MAP1B: variants seen among roughly 807,000 people sequenced by gnomAD.
The protein encoded by MAP1B is microtubule associated protein 1B, also known as microtubule-associated protein 1B.
In MAP1B, 12 loss-of-function variants were observed where a neutral mutation model predicts 176.1. The ratio of observed to expected loss-of-function variants is 0.07; its 90% CI spans 0.04 to 0.11. The LOEUF (loss-of-function observed/expected upper bound fraction) is 0.11. Among genes scored for constraint, MAP1B ranks in the 10% least tolerant of loss-of-function variants. MAP1B has a pLI of 1.00. For missense variants in MAP1B, 2,523 were observed against 2,990.5 expected (o/e 0.84, Z 3.65); for synonymous variants, 1,044 against 1,135.0 (o/e 0.92, Z 1.61).
At chr5:72,139,508 C>T (rs529238654) in intron 2 of MAP1B, among the ~76,000 whole-genome samples, 7 of 152,286 alleles carry the variant, frequency 4.6e-5, no homozygotes, top group Admixed American at 3.9e-4. Context: ...TGTAAGTCTC[C>T]GGGGTGTCTG....
chr5:72,125,045 C>A (rs1745601295), intron 2 of MAP1B, among the ~76,000 whole-genome samples: 1 of 152,210 alleles, frequency 6.6e-6, no homozygotes, highest in Non-Finnish European at 1.5e-5. Flanking sequence ...TCTCTTGTGC[C>A]TTTTAAAAAC....
intron 2 of MAP1B, among the ~76,000 whole-genome samples, chr5:72,119,959 A>G (rs1471179273): frequency 6.6e-6 from 1 of 152,210 alleles, no homozygotes; most frequent in Non-Finnish European, 1.5e-5. Context: ...AGCTAGGCTT[A>G]CCATGCTGTA....
In MAP1B at chr5:72,128,961, A is replaced by G. The variant is rs560101832; in HGVS notation, c.286+13162A>G. Among the ~76,000 whole-genome samples the G allele has an allele frequency of 2.0e-5, 3 of 152,256 alleles. No individual in the cohort carries two copies. In the East Asian group the frequency reaches 5.8e-4, roughly 29 times the overall value. Reference sequence around the variant, plus strand: ...GCCACTGCATTTGGCTGAAAACGTAATTTTTTAAATAGACAATTGCCTTCT... The same window carrying G: ...GCCACTGCATTTGGCTGAAAACGTAGTTTTTTAAATAGACAATTGCCTTCT... On this transcript the variant is annotated intron_variant, in intron 2 of 6. Coordinates refer to ENST00000296755, the MANE Select transcript of MAP1B (RefSeq NM_005909.5).
At chr5:72,149,091 G>T (rs1746095658) in intron 2 of MAP1B, among the ~76,000 whole-genome samples, 1 of 152,104 alleles carries the variant, frequency 6.6e-6, no homozygotes, top group Non-Finnish European at 1.5e-5. Flanking sequence ...CCAGCACCTA[G>T]CACAATGCTG....
chr5:72,193,038 G>T (rs1368532751), intron 4 of MAP1B, among the ~76,000 whole-genome samples: 1 of 152,214 alleles, frequency 6.6e-6, no homozygotes, highest in African/African-American at 2.4e-5. Flanking sequence ...GAACAGAGTG[G>T]CTCACTGTGG....
At chr5:72,171,529 G>A (rs1241138646) in intron 2 of MAP1B, among the ~76,000 whole-genome samples, 1 of 152,156 alleles carries the variant, frequency 6.6e-6, no homozygotes. Context: ...GGTCGAGGCT[G>A]CAGGGGGCCA....
At chr5:72,152,984 T>C (rs1470816261) in intron 2 of MAP1B, among the ~76,000 whole-genome samples, 1 of 152,058 alleles carries the variant, frequency 6.6e-6, no homozygotes, top group East Asian at 1.9e-4. Context: ...CTGACTGAAG[T>C]CTGAGAAGAA....
chr5:72,132,424 T>C (rs1745750300), intron 2 of MAP1B, among the ~76,000 whole-genome samples: 1 of 152,204 alleles, frequency 6.6e-6, no homozygotes, highest in South Asian at 2.1e-4. Context: ...ATATGTATAA[T>C]TCTTAAAATG....
intron 2 of MAP1B, chr5:72,116,138 T>G: frequency 3.1e-6 from 1 of 318,894 alleles, no homozygotes; most frequent in Non-Finnish European, 6.1e-6. Flanking sequence ...GATAGTATAG[T>G]GTGTGTATGT....
At chr5:72,116,264 C>A (rs771061067) in intron 2 of MAP1B, among the ~76,000 whole-genome samples, 116 of 152,010 alleles carry the variant, frequency 7.6e-4, no homozygotes, top group African/African-American at 2.7e-3. Flanking sequence ...TGTCTTCCTG[C>A]AAAAGAAAAA....
In MAP1B at chr5:72,194,885, T is replaced by C; in HGVS notation, c.1530T>C (p.Phe510=). 1.2e-6 allele frequency: 2 copies of C among 1,614,086 alleles called. No homozygotes were observed. The highest frequency in any genetic ancestry group is 8.5e-7 in the Non-Finnish European group (1 of 1,180,002). Residue 510 remains phenylalanine (F), a synonymous_variant, in exon 5 of 7, where the codon TTT becomes TTC. Transcript: ENST00000296755. This position sits in a 1 kb window ranked among gnomAD's most constrained non-coding sequence, Gnocchi z 7.2. The stretch of plus-strand genomic sequence containing the variant: ...TGGAAAAGCTCAAACATCTAGACTT[T>C]CTGAAGCAGCCACTGGCCACCCAAA... ...EGLEKLKHLD[F]LKQPLATQKD... is the part of the protein sequence containing the mutation.
At position 72,193,937 on chromosome 5, in the gene MAP1B, G is replaced by A. The variant is rs2112231090; in HGVS notation, c.582G>A (p.Gly194=). 1 of 1,613,968 alleles carries A rather than the reference G, an allele frequency of 6.2e-7. No individual in the cohort carries two copies. Among genetic ancestry groups the A allele is most frequent in the Non-Finnish European group, 8.5e-7 (1 of 1,179,944 alleles). The change falls in exon 5 of 7, where the codon GGG becomes GGA. Residue 194 remains glycine (G), a synonymous_variant. Coordinates refer to ENST00000296755, the MANE Select transcript of MAP1B (RefSeq NM_005909.5). ...ASLTLFCPEE[G]DWKNSNLDRH... ...TAACCCTGTTCTGTCCTGAAGAAGG[G>A]GACTGGAAGAACTCCAATCTTGACA...
intron 2 of MAP1B, among the ~76,000 whole-genome samples, chr5:72,152,213 G>GT (rs1057386150): frequency 5.4e-4 from 82 of 151,468 alleles, no homozygotes; most frequent in Non-Finnish European, 9.6e-4. Flanking sequence ...CTATGGATAT[G>GT]TTTTTTTTTA....
chr5:72,136,953 A>C (rs1745848001), intron 2 of MAP1B, among the ~76,000 whole-genome samples: 1 of 152,286 alleles, frequency 6.6e-6, no homozygotes, highest in East Asian at 1.9e-4. Context: ...TTTGAGTTGC[A>C]GGGAGATTCT....
chr5:72,150,487 A>C (rs1054446861), intron 2 of MAP1B, among the ~76,000 whole-genome samples: 11 of 152,198 alleles, frequency 7.2e-5, no homozygotes, highest in Non-Finnish European at 7.3e-5. Context: ...TTCCTTAAGC[A>C]CCCATAACTT....
intron 2 of MAP1B, chr5:72,179,751 C>T (rs780730559): frequency 3.9e-5 from 38 of 985,328 alleles, no homozygotes; most frequent in Admixed American, 6.1e-5. Context: ...CATTCAAATC[C>T]GATCCTATAA....
At chr5:72,125,906 T>A (rs1308712384) in intron 2 of MAP1B, among the ~76,000 whole-genome samples, 2 of 148,096 alleles carry the variant, frequency 1.4e-5, no homozygotes, top group East Asian at 3.8e-4. Context: ...TGAAATCATG[T>A]GAGAACAAAA....
chr5:72,196,088 G>T lies in MAP1B; in HGVS notation c.2733G>T (p.Glu911Asp). The change falls in exon 5 of 7, where the codon GAG becomes GAT. Residue 911 changes from glutamate to aspartate, a missense_variant. This residue lies in a region of MAP1B where 1,925 missense variants were observed against 2,126.0 expected (regional missense o/e 0.91). Coordinates refer to ENST00000296755, the MANE Select transcript of MAP1B (RefSeq NM_005909.5). The surrounding 1 kb of genome is among the most constrained non-coding windows in gnomAD (Gnocchi z 5.3). The part of the protein sequence containing the change: ...GEGECEQTPE[E>D]LEPVEKQGVD... ...GCGAATGTGAACAGACACCTGAGGA[G>T]CTGGAGCCCGTCGAGAAGCAGGGAG... The T allele has an allele frequency of 1.2e-6, 2 of 1,614,192 alleles. No homozygotes were observed. Among genetic ancestry groups the T allele is most frequent in the Non-Finnish European group, 1.7e-6 (2 of 1,180,032 alleles).
chr5:72,203,266 G>T (rs1747370652), intron 5 of MAP1B, among the ~76,000 whole-genome samples: 1 of 152,128 alleles, frequency 6.6e-6, no homozygotes, highest in Admixed American at 6.5e-5. Flanking sequence ...GCCATCTTGG[G>T]AAAGGCCTTC....
Sources: allele counts gnomAD v4.1 joint callset (sites outside exome capture counted in the v4.1 genomes callset), GRCh38; gene constraint gnomAD v4.1.1; regional missense constraint gnomAD v4.1.1; non-coding constraint Gnocchi (gnomAD v3.1); transcripts MANE v1.5; gene names NCBI Gene and HGNC (gene_info 2026-07-23, HGNC 2026-07-21).